ELN: variants seen among roughly 807,000 people sequenced by gnomAD.
The protein encoded by ELN is elastin, also known as tropoelastin.
In ELN, 65 loss-of-function variants were observed where a neutral mutation model predicts 105.8. The observed-to-expected ratio is 0.61, with a 90% CI of 0.50 to 0.75. ELN has a LOEUF of 0.75. Ranked by LOEUF, ELN falls within the 30% of genes least tolerant of loss-of-function variation. ELN has a pLI of 0.00. For missense variants in ELN, 882 were observed against 969.4 expected, an observed-to-expected ratio of 0.91 and a Z score of 1.20; for synonymous variants, 368 against 389.2, an observed-to-expected ratio of 0.95 and a Z score of 0.64.
At chr7:74,066,669 A>G in intron 31 of ELN, 63 bp from the exon 32 acceptor site, 3 of 1,563,994 alleles carry the variant, frequency 1.9e-6, no homozygotes, top group Non-Finnish European at 2.6e-6. Context: ...GCAGGCAGAA[A>G]GTGATGAGGC....
chr7:74,059,892 TTCCTGGTGTCGGCGTGGC>T lies in ELN; in HGVS notation c.1428_1445del (p.Val491_Gly496del). The T allele has an allele frequency of 1.6e-6, 2 of 1,286,090 alleles. No individual in the cohort carries two copies. Among genetic ancestry groups the T allele is most frequent in the Non-Finnish European group, 2.3e-6 (2 of 880,440 alleles). The allele number at this position is 1,286,090 out of a possible 1,614,324, so 79.7% of individuals were successfully genotyped here. Reference sequence around the variant, plus strand: ...GCTCTTCTCAATCTTGCAGGGTTAGTTCCTGGTGTCGGCGTGGCTCCTGGAGTTGGCGTGGCTCCTGGT... The same window carrying T: ...GCTCTTCTCAATCTTGCAGGGTTAGTTCCTGGAGTTGGCGTGGCTCCTGGT... On this transcript the variant is annotated inframe_deletion, in exon 23 of 33. Transcript: ENST00000252034.
intron 21 of ELN, 41 bp from the exon 22 acceptor site, chr7:74,057,599 G>C: frequency 6.2e-7 from 1 of 1,612,378 alleles, no homozygotes; most frequent in Non-Finnish European, 8.5e-7. Flanking sequence ...AGGGAGGGGT[G>C]TGAGAGATTA....
At chr7:74,066,692 C>T (rs1798031575) in intron 31 of ELN, 40 bp from the exon 32 acceptor site, 3 of 1,611,926 alleles carry the variant, frequency 1.9e-6, no homozygotes, top group Non-Finnish European at 2.5e-6. Context: ...GAGTCAGTTT[C>T]CACCCCTACC....
chr7:74,034,994 A>G (rs1789570402), intron 1 of ELN, among the ~76,000 whole-genome samples: 2 of 150,768 alleles, frequency 1.3e-5, no homozygotes, highest in Non-Finnish European at 3.0e-5. Context: ...CCAGCTACTC[A>G]GGAGGCTGAG....
chr7:74,046,694 A>G lies in ELN; in HGVS notation c.572-2A>G. On this transcript the variant is annotated splice_acceptor_variant, in intron 11 of 32. Transcript: ENST00000252034. LOFTEE classifies it high-confidence loss of function. The stretch of plus-strand genomic sequence containing the variant: ...CTGAACTTGCTCTCTTTATTCCCAC[A>G]GGAGTTGGACCCTTTGGGGGACCGC... 2 of 1,614,184 alleles carry G rather than the reference A, an allele frequency of 1.2e-6. No individual in the cohort carries two copies. Among genetic ancestry groups the G allele is most frequent in the Non-Finnish European group, 1.7e-6 (2 of 1,180,002 alleles).
rs782241114 is a variant in ELN, at chr7:74,056,272, G to A, written c.1152G>A (p.Gly384=). The A allele has an allele frequency of 1.1e-5, 18 of 1,614,186 alleles. No individual in the cohort carries two copies. The East Asian group carries it at 2.7e-4, about 24-fold the overall frequency. Residue 384 remains glycine (G), a splice_region_variant and synonymous_variant, in exon 20 of 33, where the codon GGG becomes GGA. Transcript: ENST00000252034. ...AKAAAKAAKY[G]ARPGVGVGGI... The stretch of plus-strand genomic sequence containing the variant: ...TACTTGGCTCCCTTCCCTCTGCAGG[G>A]GCCAGGCCCGGAGTCGGAGTTGGAG...
intron 8 of ELN, 49 bp from the exon 9 acceptor site, chr7:74,043,829 TC>T: frequency 6.2e-7 from 1 of 1,608,788 alleles, no homozygotes; most frequent in Non-Finnish European, 8.5e-7. Context: ...TGGGGAGGGG[TC>T]CCTGGAGGCT....
intron 14 of ELN, 142 bp downstream of exon 14, chr7:74,048,343 G>A: frequency 6.7e-7 from 1 of 1,500,698 alleles, no homozygotes. Context: ...GCAGGATCCT[G>A]GGGGAGGAGT....
At chr7:74,032,576 G>A (rs1258050486) in intron 1 of ELN, among the ~76,000 whole-genome samples, 2 of 152,180 alleles carry the variant, frequency 1.3e-5, no homozygotes, top group Non-Finnish European at 2.9e-5. Context: ...TGCAAAGTGG[G>A]GATTAAAACC....
chr7:74,068,845 C>T lies in ELN; in HGVS notation c.*145C>T. 4.0e-6 allele frequency: 4 copies of T among 993,548 alleles called. No individual in the cohort carries two copies. In the South Asian group the frequency reaches 4.1e-5, roughly 10 times the overall value. 61.5% of individuals were successfully genotyped at this position (993,548 alleles called of 1,614,324 possible). Reference sequence around the variant, plus strand: ...GGCAGGCCGGGCGGCCTTGCAGATCCACAGGGCAAGGAAACAAGAGGGGAG... The same window carrying T: ...GGCAGGCCGGGCGGCCTTGCAGATCTACAGGGCAAGGAAACAAGAGGGGAG... On this transcript the variant is annotated 3_prime_UTR_variant, in exon 33 of 33. Transcript: ENST00000252034.
Position 74,068,650 on chromosome 7 carries a change from C to T in ELN, c.2132-7C>T, listed in dbSNP as rs782755390. On this transcript the variant is annotated splice_region_variant and splice_polypyrimidine_tract_variant and intron_variant, in intron 32 of 32. Transcript: ENST00000252034. ...ACTCACAGTGATGTGCACCTCCTCC[C>T]GTCCAGGTGGGGCCTGCCTGGGGAA... is the stretch of plus-strand genomic sequence containing the variant. 9 of 1,614,090 alleles carry T rather than the reference C, an allele frequency of 5.6e-6. No homozygotes were observed. The highest frequency in any genetic ancestry group is 1.6e-4 in the Middle Eastern group (1 of 6,062).
At chr7:74,046,794 CA>C (rs782460239) in intron 12 of ELN, 27 bp downstream of exon 12, 34 of 1,612,778 alleles carry the variant, frequency 2.1e-5, no homozygotes, top group Non-Finnish European at 2.7e-5. Context: ...GTTCAAGATG[CA>C]CCACTCGGCC....
intron 12 of ELN, 57 bp from the exon 13 acceptor site, chr7:74,047,618 G>T: frequency 1.9e-6 from 3 of 1,611,468 alleles, no homozygotes; most frequent in Middle Eastern, 3.3e-4. Flanking sequence ...CACCCAGGTT[G>T]GTGGGAGCCC....
Position 74,035,705 on chromosome 7 carries a change from T to TACAC in ELN, c.133+307_133+310dup, listed in dbSNP as rs150794102. On this transcript the variant is annotated intron_variant, in intron 2 of 32. Transcript: ENST00000252034. ...GACAACATAGTGAGATCCCCCTCTC[T>TACAC]ACACACACACACACACACAAATTTA... 6.5e-5 allele frequency: 31 copies of TACAC among 476,292 alleles called. No individual in the cohort carries two copies. The Admixed American group carries it at 7.3e-4, about 11-fold the overall frequency. The allele number at this position is 476,292 out of a possible 1,614,324, so 29.5% of individuals were successfully genotyped here. A position where few individuals can be genotyped will look rare whatever the true frequency, so the allele number is the denominator to read the frequency against.
intron 3 of ELN, among the ~76,000 whole-genome samples, 166 bp downstream of exon 3, chr7:74,036,750 C>T (rs572664967): frequency 2.4e-4 from 36 of 152,318 alleles, no homozygotes; most frequent in African/African-American, 8.2e-4. Flanking sequence ...GAACCAGAAC[C>T]CATTGGCCTT....
chr7:74,061,630 C>T lies in ELN; in HGVS notation c.1786+491C>T, dbSNP rs140402242. Reference sequence around the variant, plus strand: ...TCACGCCACTGCACTCCGGCCTGGACGACAGAGCGAGACTGTATCTCAAAA... The same window carrying T: ...TCACGCCACTGCACTCCGGCCTGGATGACAGAGCGAGACTGTATCTCAAAA... On this transcript the variant is annotated intron_variant, in intron 26 of 32. Transcript: ENST00000252034. Among the ~76,000 whole-genome samples, 59 of 152,136 alleles carry T rather than the reference C, an allele frequency of 3.9e-4. No homozygotes were observed. The East Asian group carries it at 0.01, about 27-fold the overall frequency.
intron 22 of ELN, 170 bp from the exon 23 acceptor site, chr7:74,059,716 C>T (rs1796168259): frequency 8.2e-6 from 6 of 736,080 alleles, no homozygotes; most frequent in African/African-American, 5.2e-5. Flanking sequence ...CCTGAGCCTG[C>T]ACACACTTCA....
chr7:74,057,771 C>G (rs561310939), intron 22 of ELN, 75 bp downstream of exon 22: 2 of 1,542,684 alleles, frequency 1.3e-6, no homozygotes, highest in East Asian at 2.3e-5. Context: ...GGTCTGACCG[C>G]CCAGCTTCCT....
chr7:74,053,302 G>A lies in ELN; in HGVS notation c.1089G>A (p.Ala363=), dbSNP rs782204123. 24 of 1,611,784 alleles carry A rather than the reference G, an allele frequency of 1.5e-5. No homozygotes were observed. Among genetic ancestry groups the A allele is most frequent in the Non-Finnish European group, 1.9e-5 (22 of 1,179,536 alleles). ...CAGGTGCTGGGATCCCAGGTGCTGC[G>A]GTTCCAGGTGAGCTGGGCTGTGTGT... ...VVPGAGIPGA[A]VPGVVSPEAA... The change falls in exon 18 of 33, where the codon GCG becomes GCA. Residue 363 remains alanine, a synonymous_variant. Coordinates refer to ENST00000252034, the MANE Select transcript of ELN (RefSeq NM_000501.4).
Sources: gnomAD v4.1 joint callset for allele counts (sites outside exome capture counted in the v4.1 genomes callset) on GRCh38, gnomAD v4.1.1 for gene constraint, MANE v1.5 for transcripts, NCBI Gene and HGNC (gene_info 2026-07-23, HGNC 2026-07-21) for gene names.